ZNF782: variants seen among roughly 807,000 people sequenced by gnomAD.
ZNF782 encodes the protein zinc finger protein 782.
A neutral mutation model predicts 13.0 loss-of-function variants in ZNF782; 12 were observed. The observed-to-expected ratio is 0.92, with a 90% CI of 0.59 to 1.50. ZNF782 has a LOEUF of 1.50. ZNF782 is among the 40% of genes most tolerant of loss of function. The pLI, the probability that ZNF782 is intolerant of heterozygous loss-of-function variation, is 0.00. For missense variants in ZNF782, 770 were observed against 822.9 expected, an observed-to-expected ratio of 0.94 and a Z score of 0.79; for synonymous variants, 284 against 283.0, an observed-to-expected ratio of 1.00 and a Z score of -0.04.
At chr9:96,879,311 A>C (rs1336066612), upstream of ZNF782, among the ~76,000 whole-genome samples, 1 of 151,962 alleles carries the variant, frequency 6.6e-6, no homozygotes, top group East Asian at 1.9e-4. Context: ...ACACGGTGAA[A>C]CCCTGTCTCC....
chr9:96,918,139 C>T, the ZNF782 span, among the ~76,000 whole-genome samples: 6 of 151,194 alleles, frequency 4.0e-5, no homozygotes, highest in African/African-American at 7.3e-5. Flanking sequence ...CGGTGGCTCA[C>T]GCTTATAATC....
intron 5 of ZNF782, among the ~76,000 whole-genome samples, chr9:96,826,180 A>G (rs1437251194): frequency 6.6e-6 from 1 of 152,204 alleles, no homozygotes; most frequent in South Asian, 2.1e-4. Flanking sequence ...CTGGATTAAG[A>G]AAATGTGGCA....
In ZNF782 at chr9:96,850,627, A is replaced by G. The variant is rs1016460076; in HGVS notation, c.15+1320T>C. Among the ~76,000 whole-genome samples the G allele has an allele frequency of 6.6e-6, 1 of 152,186 alleles. No individual in the cohort carries two copies. Among genetic ancestry groups the G allele is most frequent in the Non-Finnish European group, 1.5e-5 (1 of 68,028 alleles). On this transcript the variant is annotated intron_variant, in intron 3 of 5. Transcript: ENST00000481138. This position sits in a 1 kb window ranked among gnomAD's most constrained non-coding sequence, Gnocchi z 4.3. ...CCACTATATAATTCATCCATGTAAC[A>G]AGAAACCACTTGTACCCCAAAAGCT...
the ZNF782 span, among the ~76,000 whole-genome samples, chr9:96,931,251 G>T: frequency 1.3e-5 from 2 of 151,572 alleles, no homozygotes; most frequent in South Asian, 2.1e-4. Context: ...GAGCTTCAGG[G>T]AAAGGAAGAC....
At chr9:96,917,634 G>A in the ZNF782 span, among the ~76,000 whole-genome samples, 1 of 151,670 alleles carries the variant, frequency 6.6e-6, no homozygotes, top group South Asian at 2.1e-4. Flanking sequence ...GTTTCACTGT[G>A]TTGGCCAGGC....
At chr9:96,897,092 T>C in the ZNF782 span, among the ~76,000 whole-genome samples, 497 of 152,340 alleles carry the variant, frequency 3.3e-3, 2 homozygotes, top group African/African-American at 0.01. Context: ...TGAAGTGGTA[T>C]ACAGTTGGTC....
upstream of ZNF782, among the ~76,000 whole-genome samples, chr9:96,856,923 C>G (rs1444280144): frequency 6.6e-6 from 1 of 152,192 alleles, no homozygotes; most frequent in Non-Finnish European, 1.5e-5. Flanking sequence ...CCTTATCAAG[C>G]CAACAACTGA....
chr9:96,816,205 C>T (rs997732297), downstream of ZNF782, among the ~76,000 whole-genome samples: 4 of 152,058 alleles, frequency 2.6e-5, no homozygotes, highest in Non-Finnish European at 4.4e-5. Context: ...AGTTTAGTAA[C>T]AATGGCCTTT....
At position 96,850,654 on chromosome 9, in the gene ZNF782, T is replaced by C. The variant is rs753155125; in HGVS notation, c.15+1293A>G. Among the ~76,000 whole-genome samples the C allele has an allele frequency of 1.2e-4, 18 of 152,256 alleles. 1 individual carries two copies. The East Asian group carries it at 1.5e-3, about 13-fold the overall frequency. Reference sequence around the variant, plus strand: ...GAAACCACTTGTACCCCAAAAGCTATTGAAATAAAACATTTTAAAGAAATG... The same window carrying C: ...GAAACCACTTGTACCCCAAAAGCTACTGAAATAAAACATTTTAAAGAAATG... On this transcript the variant is annotated intron_variant, in intron 3 of 5. Coordinates refer to ENST00000481138, the MANE Select transcript of ZNF782 (RefSeq NM_001001662.3). This position sits in a 1 kb window ranked among gnomAD's most constrained non-coding sequence, Gnocchi z 4.3.
the ZNF782 span, chr9:96,894,780 T>G: frequency 6.6e-6 from 1 of 152,112 alleles, no homozygotes; most frequent in Non-Finnish European, 1.5e-5. Flanking sequence ...CAGGCTGGAG[T>G]GCAGTGGTGT....
chr9:96,910,439 A>G, the ZNF782 span: 5 of 383,990 alleles, frequency 1.3e-5, no homozygotes, highest in Non-Finnish European at 2.3e-5. Context: ...CTAAAAAAAA[A>G]AGGCCGCCAT....
At chr9:96,834,962 G>T (rs145805883) in intron 4 of ZNF782, among the ~76,000 whole-genome samples, 2 of 152,324 alleles carry the variant, frequency 1.3e-5, no homozygotes, top group African/African-American at 4.8e-5. Flanking sequence ...TTACAAATTG[G>T]TTAAATGGTT....
At chr9:96,847,512 G>T (rs1851375530) in intron 3 of ZNF782, among the ~76,000 whole-genome samples, 1 of 152,056 alleles carries the variant, frequency 6.6e-6, no homozygotes, top group Admixed American at 6.6e-5. Context: ...AAATACAAAA[G>T]ATCTTTCAAG....
chr9:96,895,895 C>T, the ZNF782 span: 1 of 152,236 alleles, frequency 6.6e-6, no homozygotes, highest in Non-Finnish European at 1.5e-5. Flanking sequence ...AAGCCACTTA[C>T]CTGCCTCTAT....
At chr9:96,846,470 A>C (rs1851342537) in intron 3 of ZNF782, among the ~76,000 whole-genome samples, 1 of 152,200 alleles carries the variant, frequency 6.6e-6, no homozygotes, top group Non-Finnish European at 1.5e-5. Context: ...AGAAGGATTC[A>C]TATAAACTCA....
chr9:96,845,071 C>T (rs191271507), intron 3 of ZNF782, 55 bp from the exon 4 acceptor site: 20 of 1,602,120 alleles, frequency 1.2e-5, no homozygotes, highest in Middle Eastern at 3.3e-4. Flanking sequence ...GAAAGGAAAA[C>T]GTTTTCGGAA....
At chr9:96,845,239 T>G (rs1851312197) in intron 3 of ZNF782, among the ~76,000 whole-genome samples, 2 of 152,226 alleles carry the variant, frequency 1.3e-5, no homozygotes, top group African/African-American at 4.8e-5. Flanking sequence ...TACACATACA[T>G]TGTTACTTAA....
chr9:96,871,199 T>C (rs1355891651), intron 1 of ZNF782, among the ~76,000 whole-genome samples: 2 of 152,214 alleles, frequency 1.3e-5, no homozygotes, highest in African/African-American at 4.8e-5. Flanking sequence ...TAACATAGTA[T>C]GCTTGTGCCC....
At chr9:96,837,762 T>C (rs80326264) in intron 4 of ZNF782, among the ~76,000 whole-genome samples, 2,872 of 152,346 alleles carry the variant, frequency 0.019, 79 homozygotes, top group African/African-American at 0.065. Flanking sequence ...TGTCTTATGA[T>C]TTTTTGACCC....
Sources: gnomAD v4.1 joint callset for allele counts (sites outside exome capture counted in the v4.1 genomes callset) on GRCh38, gnomAD v4.1.1 for gene constraint, Gnocchi (gnomAD v3.1) non-coding constraint, MANE v1.5 for transcripts, NCBI Gene and HGNC (gene_info 2026-07-23, HGNC 2026-07-21) for gene names.